Variants in SLC24A3 observed in about 807,000 individuals in gnomAD.
The protein encoded by SLC24A3 is sodium/potassium/calcium exchanger 3.
A neutral mutation model predicts 75.8 loss-of-function variants in SLC24A3; 28 were observed. The ratio of observed to expected loss-of-function variants is 0.37; its 90% CI spans 0.27 to 0.51. The LOEUF (loss-of-function observed/expected upper bound fraction) is 0.51. SLC24A3 is among the 20% of genes least tolerant of loss of function. The pLI, the probability that SLC24A3 is intolerant of heterozygous loss-of-function variation, is 0.94. For synonymous variants in SLC24A3, 372 were observed against 334.1 expected, an observed-to-expected ratio of 1.11 and a Z score of -1.24; for missense variants, 663 against 847.8, an observed-to-expected ratio of 0.78 and a Z score of 2.71.
chr20:19,463,013 C>T (rs189119716), intron 2 of SLC24A3, among the ~76,000 whole-genome samples: 1 of 152,208 alleles, frequency 6.6e-6, no homozygotes, highest in East Asian at 1.9e-4. Flanking sequence ...TCTTCACTGC[C>T]CGGGGTCTGG....
intron 3 of SLC24A3, among the ~76,000 whole-genome samples, chr20:19,548,528 C>A (rs780048299): frequency 5.3e-5 from 8 of 152,296 alleles, no homozygotes; most frequent in Admixed American, 5.2e-4. Flanking sequence ...AAACAGCAAC[C>A]ATTTATCATC....
At chr20:19,605,374 T>G (rs1177769164) in intron 6 of SLC24A3, among the ~76,000 whole-genome samples, 2 of 152,212 alleles carry the variant, frequency 1.3e-5, no homozygotes, top group Non-Finnish European at 2.9e-5. Context: ...TGTTTCCAAT[T>G]AAGACTTCTA....
At chr20:19,655,204 T>C (rs577100393) in intron 7 of SLC24A3, among the ~76,000 whole-genome samples, 1 of 152,280 alleles carries the variant, frequency 6.6e-6, no homozygotes, top group South Asian at 2.1e-4. Context: ...TGCGGGTCAG[T>C]GTTTCCATGC....
At chr20:19,419,731 A>G (rs551655789) in intron 2 of SLC24A3, among the ~76,000 whole-genome samples, 19 of 151,822 alleles carry the variant, frequency 1.3e-4, no homozygotes, top group African/African-American at 4.1e-4. Context: ...GCTGCACAGC[A>G]TCTCCTTTCA....
At chr20:19,524,922 T>C (rs187767378) in intron 3 of SLC24A3, among the ~76,000 whole-genome samples, 2 of 152,322 alleles carry the variant, frequency 1.3e-5, no homozygotes, top group East Asian at 3.9e-4. Flanking sequence ...TCAATCTGGA[T>C]AAAATAGCCA....
chr20:19,221,424 T>C (rs1193968350), intron 1 of SLC24A3, among the ~76,000 whole-genome samples: 2 of 152,210 alleles, frequency 1.3e-5, no homozygotes, highest in Non-Finnish European at 2.9e-5. Context: ...AAAGCCCTGC[T>C]CCCTGGAACC....
rs149770939 is a variant in SLC24A3, at chr20:19,601,031, A to C, written c.612+15487A>C. ...CAAATCTTGGCCTCCCCACATCTTG[A>C]ATACATGAACTTCAGAAGTTACTTA... On this transcript the variant is annotated intron_variant, in intron 6 of 16. Transcript: ENST00000328041. Among the ~76,000 whole-genome samples the C allele has an allele frequency of 2.6e-4, 39 of 152,270 alleles. 1 individual carries two copies. The highest frequency in any genetic ancestry group is 4.4e-4 in the Non-Finnish European group (30 of 68,020).
At chr20:19,696,601 G>A (rs1163990735) in intron 13 of SLC24A3, 196 bp from the exon 14 acceptor site, 6 of 481,072 alleles carry the variant, frequency 1.2e-5, no homozygotes, top group East Asian at 3.0e-5. Flanking sequence ...TCCTATTACA[G>A]CACCGTCCCC....
intron 6 of SLC24A3, among the ~76,000 whole-genome samples, chr20:19,610,728 T>C (rs1049450018): frequency 6.6e-6 from 1 of 152,188 alleles, no homozygotes; most frequent in Non-Finnish European, 1.5e-5. Context: ...TCCTGGAAGA[T>C]GATGGGGTAC....
chr20:19,566,735 A>T (rs1173073855), intron 3 of SLC24A3, among the ~76,000 whole-genome samples: 1 of 152,176 alleles, frequency 6.6e-6, no homozygotes, highest in East Asian at 1.9e-4. Context: ...TGCTTCACAG[A>T]GTGTGTGTGT....
chr20:19,667,807 C>G (rs987099137), intron 8 of SLC24A3, among the ~76,000 whole-genome samples: 10 of 152,192 alleles, frequency 6.6e-5, no homozygotes, highest in Admixed American at 2.6e-4. Flanking sequence ...AAAGGAGTGT[C>G]TATTTCATCT....
chr20:19,594,097 C>T (rs1393125287), intron 6 of SLC24A3, among the ~76,000 whole-genome samples: 1 of 152,142 alleles, frequency 6.6e-6, no homozygotes, highest in East Asian at 1.9e-4. Flanking sequence ...GAACTCCACC[C>T]TTGGGCAAAA....
intron 8 of SLC24A3, among the ~76,000 whole-genome samples, chr20:19,668,432 A>G (rs967109793): frequency 6.6e-6 from 1 of 152,216 alleles, no homozygotes; most frequent in South Asian, 2.1e-4. Flanking sequence ...GCACAGTAAC[A>G]TTTTGAAAAT....
chr20:19,693,291 A>T lies in SLC24A3; in HGVS notation c.1357A>T (p.Thr453Ser), dbSNP rs879915372. 1 of 1,613,698 alleles carries T rather than the reference A, an allele frequency of 6.2e-7. No homozygotes were observed. Among genetic ancestry groups the T allele is most frequent in the African/African-American group, 1.3e-5 (1 of 74,904 alleles). Reference protein sequence around the residue: ...GKLETVKWAFTWPLSFVLYFT... With the variant: ...GKLETVKWAFSWPLSFVLYFT... ...ACTGGAAACAGTGAAATGGGCGTTC[A>T]CCTGGCCGCTGAGTTTCGTCTTATA... The change falls in exon 13 of 17, where the codon ACC (threonine) becomes TCC (serine). Residue 453 changes from threonine (T) to serine (S), a missense_variant. Transcript: ENST00000328041.
intron 1 of SLC24A3, among the ~76,000 whole-genome samples, chr20:19,244,927 A>G (rs1223755840): frequency 1.3e-5 from 2 of 152,198 alleles, no homozygotes; most frequent in Non-Finnish European, 2.9e-5. Flanking sequence ...GCATTTGCCC[A>G]TCTCAGTAAA....
intron 1 of SLC24A3, among the ~76,000 whole-genome samples, chr20:19,266,835 T>A (rs1219245105): frequency 6.6e-6 from 1 of 152,214 alleles, no homozygotes; most frequent in Non-Finnish European, 1.5e-5. Flanking sequence ...GTATATTTTT[T>A]AAGAAATTAT....
chr20:19,419,219 G>A (rs1452672753), intron 2 of SLC24A3, among the ~76,000 whole-genome samples: 1 of 152,098 alleles, frequency 6.6e-6, no homozygotes, highest in Admixed American at 6.6e-5. Context: ...AAAGGATCTG[G>A]GCCAAGATCA....
chr20:19,406,868 T>C (rs1986656396), intron 2 of SLC24A3, among the ~76,000 whole-genome samples: 1 of 152,176 alleles, frequency 6.6e-6, no homozygotes, highest in South Asian at 2.1e-4. Context: ...ACCCCATTTA[T>C]GAGGTACTAA....
Position 19,427,679 on chromosome 20 carries a change from GTCC to G in SLC24A3, c.272-87802_272-87800del, listed in dbSNP as rs1311159309. ...TATTACAGGCCCCGCCCTCCGACTT[GTCC>G]TCCTCCCAGGCCTGTCCTGGGCTGA... On this transcript the variant is annotated intron_variant, in intron 2 of 16. Transcript: ENST00000328041. Among the ~76,000 whole-genome samples, 6 of 152,218 alleles carry G rather than the reference GTCC, an allele frequency of 3.9e-5. No individual in the cohort carries two copies. The East Asian group carries it at 5.8e-4, about 15-fold the overall frequency.
Sources: allele counts gnomAD v4.1 joint callset (sites outside exome capture counted in the v4.1 genomes callset), GRCh38; gene constraint gnomAD v4.1.1; transcripts MANE v1.5; gene names NCBI Gene and HGNC (gene_info 2026-07-23, HGNC 2026-07-21).